The following TMEM40 variants were observed in gnomAD, a reference collection of about 807,000 sequenced individuals.
TMEM40 encodes the protein transmembrane protein 40.
In TMEM40, 34 loss-of-function variants were observed where a neutral mutation model predicts 40.8. The observed-to-expected ratio is 0.83, with a 90% CI of 0.63 to 1.11. The LOEUF is 1.11. Among genes scored for constraint, TMEM40 ranks in the 50% least tolerant of loss-of-function variants. The pLI is 0.00. For synonymous variants in TMEM40, 106 were observed against 107.0 expected (o/e 0.99, Z 0.06); for missense variants, 296 against 280.2 (o/e 1.06, Z -0.40).
chr3:12,738,915 G>A (rs1305676777), intron 5 of TMEM40: 2 of 299,690 alleles, frequency 6.7e-6, no homozygotes, highest in Non-Finnish European at 1.3e-5. Flanking sequence ...AGCACTTTGG[G>A]AGGCCAAGGT....
At chr3:12,767,596 G>C (rs1394122100) in intron 1 of TMEM40, among the ~76,000 whole-genome samples, 1 of 152,148 alleles carries the variant, frequency 6.6e-6, no homozygotes, top group African/African-American at 2.4e-5. Context: ...GGTCCCTACA[G>C]GCCTGGCTAG....
chr3:12,754,921 A>G (rs1427992911), intron 1 of TMEM40, among the ~76,000 whole-genome samples: 2 of 152,170 alleles, frequency 1.3e-5, no homozygotes, highest in Non-Finnish European at 2.9e-5. Context: ...ACTTCAATAT[A>G]TAAAAGAATT....
At chr3:12,737,108 G>C (rs1157689023) in intron 8 of TMEM40, among the ~76,000 whole-genome samples, 1 of 151,894 alleles carries the variant, frequency 6.6e-6, no homozygotes, top group Non-Finnish European at 1.5e-5. Flanking sequence ...TCGAACTCCT[G>C]GCTTCAAGCA....
Position 12,736,852 on chromosome 3 carries a change from G to A in TMEM40, c.473-17C>T. 1 of 1,614,076 alleles carries A rather than the reference G, an allele frequency of 6.2e-7. No homozygotes were observed. Among genetic ancestry groups the A allele is most frequent in the Non-Finnish European group, 8.5e-7 (1 of 1,179,966 alleles). ...AAAACTCATCTGTGAAGGCAGGGGT[G>A]GGCAATCACTATCTGCTGCTTTCTC... On this transcript the variant is annotated splice_polypyrimidine_tract_variant and intron_variant, in intron 8 of 11. Transcript: ENST00000314124.
intron 1 of TMEM40, among the ~76,000 whole-genome samples, chr3:12,753,208 T>TTCC (rs2061491892): frequency 7.5e-6 from 1 of 134,078 alleles, no homozygotes; most frequent in African/African-American, 3.0e-5. Flanking sequence ...TCTTTCTTTC[T>TTCC]TTCTTTTTTT....
chr3:12,734,843 C>A, intron 11 of TMEM40, 50 bp from the exon 12 acceptor site: 1 of 1,575,240 alleles, frequency 6.3e-7, no homozygotes, highest in Non-Finnish European at 8.6e-7. Context: ...GGCAGCCAGG[C>A]TTCATCCCCA....
At chr3:12,736,143 A>G (rs79613075) in intron 10 of TMEM40, among the ~76,000 whole-genome samples, 2,349 of 140,710 alleles carry the variant, frequency 0.017, 62 homozygotes, top group African/African-American at 0.059. Flanking sequence ...ACATGAGCAT[A>G]AGGAAATTTT....
At chr3:12,751,658 C>A (rs556022979) in intron 1 of TMEM40, among the ~76,000 whole-genome samples, 41 of 152,258 alleles carry the variant, frequency 2.7e-4, no homozygotes, top group Non-Finnish European at 4.7e-4. Context: ...CATTAAAATG[C>A]ATCGATATCG....
At position 12,748,724 on chromosome 3, in the gene TMEM40, T is replaced by G. The variant is rs1456706816; in HGVS notation, c.142A>C (p.Asn48His). The G allele has an allele frequency of 1.2e-6, 2 of 1,614,132 alleles. No individual in the cohort carries two copies. Among genetic ancestry groups the G allele is most frequent in the Non-Finnish European group, 1.7e-6 (2 of 1,180,016 alleles). Reference sequence around the variant, plus strand: ...GAGGAGGAGGAGGAAGAAGACTTGTTTCTCTCATATTGTTCTTGGGAAAAG... The same window carrying G: ...GAGGAGGAGGAGGAAGAAGACTTGTGTCTCTCATATTGTTCTTGGGAAAAG... ...GLFSQEQYER[N>H]KSSSSSSSSS... The change falls in exon 3 of 12, where the codon AAC (asparagine) becomes CAC (histidine). Residue 48 changes from asparagine (N) to histidine (H), a missense_variant. Transcript: ENST00000314124.
At chr3:12,758,221 G>T (rs1428036209) in intron 1 of TMEM40, among the ~76,000 whole-genome samples, 1 of 152,084 alleles carries the variant, frequency 6.6e-6, no homozygotes, top group African/African-American at 2.4e-5. Context: ...CTTTTCACAA[G>T]GAGGATTTCC....
At chr3:12,746,948 C>T (rs2061433737) in intron 3 of TMEM40, among the ~76,000 whole-genome samples, 1 of 152,136 alleles carries the variant, frequency 6.6e-6, no homozygotes, top group African/African-American at 2.4e-5. Flanking sequence ...CAGCCCCCTG[C>T]CTGCACCTGG....
At chr3:12,755,206 T>C (rs1279870264) in intron 1 of TMEM40, among the ~76,000 whole-genome samples, 37 of 83,304 alleles carry the variant, frequency 4.4e-4, no homozygotes, top group South Asian at 3.2e-3. Flanking sequence ...TTCCTTTCTT[T>C]CTTTCTTTCT....
At chr3:12,735,478 T>C (rs1447164255) in intron 11 of TMEM40, 77 bp downstream of exon 11, 3 of 1,458,160 alleles carry the variant, frequency 2.1e-6, no homozygotes, top group Admixed American at 3.6e-5. Flanking sequence ...TGTTCTTTCC[T>C]GTATGCTAAG....
At chr3:12,756,992 T>G (rs1405555822) in intron 1 of TMEM40, among the ~76,000 whole-genome samples, 1 of 152,120 alleles carries the variant, frequency 6.6e-6, no homozygotes, top group Admixed American at 6.6e-5. Context: ...CCTCTACCCC[T>G]CACTGACTCT....
At chr3:12,738,461 C>CA (rs1044392140) in intron 6 of TMEM40, 92 bp downstream of exon 6, 72 of 1,426,512 alleles carry the variant, frequency 5.0e-5, no homozygotes, top group Non-Finnish European at 6.9e-5. Flanking sequence ...CCAGGTATCC[C>CA]AACAGGTGCT....
intron 1 of TMEM40, chr3:12,769,142 G>A (rs866958567): frequency 1.5e-4 from 36 of 239,692 alleles, no homozygotes; most frequent in Middle Eastern, 1.5e-3. Flanking sequence ...GGGACTGGCG[G>A]GGCCTCTCCA....
At chr3:12,740,333 A>G (rs1017218298) in intron 5 of TMEM40, among the ~76,000 whole-genome samples, 2 of 148,752 alleles carry the variant, frequency 1.3e-5, no homozygotes, top group Admixed American at 1.3e-4. Context: ...CAAGTGATCC[A>G]CCTGCCTCAG....
At chr3:12,767,601 G>A (rs1233013615) in intron 1 of TMEM40, among the ~76,000 whole-genome samples, 1 of 152,128 alleles carries the variant, frequency 6.6e-6, no homozygotes, top group African/African-American at 2.4e-5. Flanking sequence ...CTACAGGCCT[G>A]GCTAGATAGA....
chr3:12,750,337 T>C (rs1163830877), intron 1 of TMEM40, among the ~76,000 whole-genome samples: 5 of 152,072 alleles, frequency 3.3e-5, no homozygotes, highest in African/African-American at 4.8e-5. Flanking sequence ...CCCACAAACA[T>C]GGCCAACATC....
Sources: gnomAD v4.1 joint callset for allele counts (sites outside exome capture counted in the v4.1 genomes callset) on GRCh38, gnomAD v4.1.1 for gene constraint, MANE v1.5 for transcripts, NCBI Gene and HGNC (gene_info 2026-07-23, HGNC 2026-07-21) for gene names.